Variants in OSBPL3 observed in about 807,000 individuals in gnomAD.
The protein encoded by OSBPL3 is oxysterol binding protein like 3, also known as oxysterol-binding protein-related protein 3.
Under a neutral mutation model 120.1 loss-of-function variants are expected in OSBPL3, and 65 were observed. The ratio of observed to expected loss-of-function variants is 0.54; its 90% CI spans 0.44 to 0.67. OSBPL3 has a LOEUF of 0.67. Ranked by LOEUF, OSBPL3 falls within the 30% of genes least tolerant of loss-of-function variation. The pLI is 0.00. For missense variants in OSBPL3, 1,004 were observed against 1,082.1 expected, an observed-to-expected ratio of 0.93 and a Z score of 1.01; for synonymous variants, 416 against 402.6, an observed-to-expected ratio of 1.03 and a Z score of -0.40.
intron 2 of OSBPL3, among the ~76,000 whole-genome samples, chr7:24,885,272 C>A (rs917190692): frequency 5.9e-4 from 89 of 151,562 alleles, no homozygotes; most frequent in African/African-American, 2.1e-3. Context: ...ATTTTCAATA[C>A]CCAGACAGCT....
chr7:24,878,378 C>T (rs1445366613), intron 2 of OSBPL3, among the ~76,000 whole-genome samples: 2 of 152,154 alleles, frequency 1.3e-5, no homozygotes, highest in Non-Finnish European at 2.9e-5. Flanking sequence ...TCACTTAATC[C>T]GTTTATCAGT....
Position 24,854,450 on chromosome 7 carries a change from G to A in OSBPL3, c.1028-1816C>T, listed in dbSNP as rs1273898457. Among the ~76,000 whole-genome samples, 1 of 151,552 alleles carries A rather than the reference G, an allele frequency of 6.6e-6. No homozygotes were observed. The highest frequency in any genetic ancestry group is 1.9e-4 in the East Asian group (1 of 5,136). On this transcript the variant is annotated intron_variant, in intron 10 of 22. Transcript: ENST00000313367. The surrounding 1 kb of genome is among the most constrained non-coding windows in gnomAD (Gnocchi z 4.1). The stretch of plus-strand genomic sequence containing the variant: ...CTTGTCTGAGGTTGTGGCATTTAGT[G>A]ATGGACCTGAAACATCTTAACAAAG...
At chr7:24,976,929 C>A (rs1400269386) in intron 1 of OSBPL3, among the ~76,000 whole-genome samples, 3 of 152,184 alleles carry the variant, frequency 2.0e-5, no homozygotes. Context: ...TTGCCATGAG[C>A]CCCTTAGGTG....
At chr7:24,904,158 C>T (rs1807498223) in intron 1 of OSBPL3, among the ~76,000 whole-genome samples, 1 of 152,176 alleles carries the variant, frequency 6.6e-6, no homozygotes, top group Non-Finnish European at 1.5e-5. Flanking sequence ...GCTGGGATTA[C>T]AGGTGTGAGT....
rs1794190720 is a variant in OSBPL3 at position 24,814,242 on chromosome 7, AG to A, written c.2172+816del. Among the ~76,000 whole-genome samples the A allele has an allele frequency of 3.3e-5, 5 of 152,106 alleles. No individual in the cohort carries two copies. The South Asian group carries it at 1.0e-3, about 32-fold the overall frequency. ...TGGCCAGAGGACAGTGGGGAAAAAG[AG>A]GGAGGAAAAAGAGAAGTTCAGGTTG... is the stretch of plus-strand genomic sequence containing the variant. On this transcript the variant is annotated intron_variant, in intron 19 of 22. Coordinates refer to ENST00000313367, the MANE Select transcript of OSBPL3 (RefSeq NM_015550.4).
intron 1 of OSBPL3, among the ~76,000 whole-genome samples, chr7:24,948,989 A>G (rs1814065902): frequency 6.6e-6 from 1 of 152,344 alleles, no homozygotes. Context: ...GAGTCTGCAT[A>G]TCATGATGTC....
Position 24,898,234 on chromosome 7 carries a change from T to C in OSBPL3, c.-149-5613A>G, listed in dbSNP as rs1192762134. On this transcript the variant is annotated intron_variant, in intron 1 of 22. Coordinates refer to ENST00000313367, the MANE Select transcript of OSBPL3 (RefSeq NM_015550.4). The surrounding 1 kb of genome is among the most constrained non-coding windows in gnomAD (Gnocchi z 4.3). ...ATCAGAAGTTTCTGGAAGCAGGTTC[T>C]AATCACAACTTCAGATACCGATCGG... Among the ~76,000 whole-genome samples, 1 of 152,206 alleles carries C rather than the reference T, an allele frequency of 6.6e-6. No homozygotes were observed. The highest frequency in any genetic ancestry group is 1.5e-5 in the Non-Finnish European group (1 of 68,038).
rs1024025232 is a variant in OSBPL3 at position 24,930,456 on chromosome 7, A to G, written c.-149-37835T>C. ...TCTCAAAATATGCCAAGAAAAAAAA[A>G]GTAAACTTTTTATTGCTGACAGCAA... is the stretch of plus-strand genomic sequence containing the variant. On this transcript the variant is annotated intron_variant, in intron 1 of 22. Coordinates refer to ENST00000313367, the MANE Select transcript of OSBPL3 (RefSeq NM_015550.4). The surrounding 1 kb of genome is among the most constrained non-coding windows in gnomAD (Gnocchi z 4.4). 2.6e-5 allele frequency among the ~76,000 whole-genome samples: 4 copies of G among 152,126 alleles called. No individual in the cohort carries two copies. The highest frequency in any genetic ancestry group is 9.7e-5 in the African/African-American group (4 of 41,398).
intron 1 of OSBPL3, among the ~76,000 whole-genome samples, chr7:24,928,237 G>A (rs1183440244): frequency 6.7e-6 from 1 of 148,514 alleles, no homozygotes; most frequent in East Asian, 2.0e-4. Flanking sequence ...TGTCACCCAG[G>A]CTGGAGTGCA....
chr7:24,840,873 T>C (rs757935447), intron 13 of OSBPL3, 90 bp from the exon 14 acceptor site: 33 of 645,460 alleles, frequency 5.1e-5, no homozygotes, highest in Non-Finnish European at 8.0e-5. Flanking sequence ...ATCAAACATG[T>C]TGAGTCTCAC....
chr7:24,915,244 G>T (rs1809378309), intron 1 of OSBPL3, among the ~76,000 whole-genome samples: 2 of 152,254 alleles, frequency 1.3e-5, no homozygotes, highest in Admixed American at 1.3e-4. Flanking sequence ...GAAAATAGCT[G>T]ATTCTCCAAC....
chr7:24,801,497 C>A (rs1390295611), intron 22 of OSBPL3, among the ~76,000 whole-genome samples: 1 of 152,132 alleles, frequency 6.6e-6, no homozygotes, highest in African/African-American at 2.4e-5. Context: ...ACACTCTATT[C>A]CCTCTCATTC....
In OSBPL3 at chr7:24,900,410, C is replaced by T. The variant is rs752402601; in HGVS notation, c.-149-7789G>A. Among the ~76,000 whole-genome samples the T allele has an allele frequency of 2.6e-5, 4 of 152,172 alleles. No individual in the cohort carries two copies. Among genetic ancestry groups the T allele is most frequent in the East Asian group, 1.9e-4 (1 of 5,202 alleles). On this transcript the variant is annotated intron_variant, in intron 1 of 22. Transcript: ENST00000313367. This position sits in a 1 kb window ranked among gnomAD's most constrained non-coding sequence, Gnocchi z 4.5. ...GCCATTGTTTTTATCAATTAGCCTA[C>T]GGTAAAATTAGCTTCGTATATATCG...
chr7:24,851,097 G>A lies in OSBPL3; in HGVS notation c.1158+1407C>T, dbSNP rs1799095986. On this transcript the variant is annotated intron_variant, in intron 11 of 22. Coordinates refer to ENST00000313367, the MANE Select transcript of OSBPL3 (RefSeq NM_015550.4). This position sits in a 1 kb window ranked among gnomAD's most constrained non-coding sequence, Gnocchi z 4.1. ...CTGTGGGAGGAGGCAGGGAGAGGAAGATCATGGGGAGAGGGACCTTGGAAG... is the reference window on the plus strand; with the variant it reads ...CTGTGGGAGGAGGCAGGGAGAGGAAAATCATGGGGAGAGGGACCTTGGAAG... Among the ~76,000 whole-genome samples the A allele has an allele frequency of 6.6e-6, 1 of 152,172 alleles. No homozygotes were observed. Among genetic ancestry groups the A allele is most frequent in the African/African-American group, 2.4e-5 (1 of 41,436 alleles).
Position 24,829,780 on chromosome 7 carries a change from T to A in OSBPL3, c.1884+988A>T, listed in dbSNP as rs888095412. Among the ~76,000 whole-genome samples, 12 of 152,322 alleles carry A rather than the reference T, an allele frequency of 7.9e-5. No individual in the cohort carries two copies. In the East Asian group the frequency reaches 9.6e-4, roughly 12 times the overall value. ...TTCTGCATATCTTAGAGGTTTTTTT[T>A]AAAATTTCAATATGTATACACTCTA... is the stretch of plus-strand genomic sequence containing the variant. On this transcript the variant is annotated intron_variant, in intron 16 of 22. Coordinates refer to ENST00000313367, the MANE Select transcript of OSBPL3 (RefSeq NM_015550.4).
rs571132676 is a variant in OSBPL3, at chr7:24,855,528, G to A, written c.1028-2894C>T. On this transcript the variant is annotated intron_variant, in intron 10 of 22. Transcript: ENST00000313367. This position sits in a 1 kb window ranked among gnomAD's most constrained non-coding sequence, Gnocchi z 4.3. The stretch of plus-strand genomic sequence containing the variant: ...GAATAAAACGCTTCCTAAATCATCT[G>A]AAAAAAGGGTTTGGAAGACTAGATC... 6.6e-6 allele frequency among the ~76,000 whole-genome samples: 1 copy of A among 152,102 alleles called. No homozygotes were observed. The highest frequency in any genetic ancestry group is 2.1e-4 in the South Asian group (1 of 4,810).
At chr7:24,886,767 C>T (rs1178102447) in intron 2 of OSBPL3, among the ~76,000 whole-genome samples, 2 of 152,170 alleles carry the variant, frequency 1.3e-5, no homozygotes, top group Non-Finnish European at 2.9e-5. Flanking sequence ...GCTCAAGGTT[C>T]CAAACCAGAA....
intron 19 of OSBPL3, 126 bp from the exon 20 acceptor site, chr7:24,810,077 T>C (rs1793585113): frequency 1.0e-6 from 1 of 980,030 alleles, no homozygotes; most frequent in African/African-American, 1.6e-5. Context: ...ATTAGTTTGC[T>C]AGTTCTGGGT....
At position 24,854,502 on chromosome 7, in the gene OSBPL3, G is replaced by GCGCACACACA. The variant is rs1554367185; in HGVS notation, c.1028-1869_1028-1868insTGTGTGTGCG. Among the ~76,000 whole-genome samples, 2 of 131,588 alleles carry GCGCACACACA rather than the reference G, an allele frequency of 1.5e-5. No individual in the cohort carries two copies. The highest frequency in any genetic ancestry group is 5.6e-5 in the African/African-American group (2 of 35,936). The allele number at this position is 131,588 out of a possible 152,430, so 86.3% of individuals were successfully genotyped here. A position where few individuals can be genotyped will look rare whatever the true frequency, so the allele number is the denominator to read the frequency against. ...CACAACAATTTGTACACACACACACGCACACACACACACACACACACACAC... is the reference window on the plus strand; with the variant it reads ...CACAACAATTTGTACACACACACACGCGCACACACACACACACACACACACACACACACAC... On this transcript the variant is annotated intron_variant, in intron 10 of 22. Transcript: ENST00000313367. The surrounding 1 kb of genome is among the most constrained non-coding windows in gnomAD (Gnocchi z 4.1).
Sources: gnomAD v4.1 joint callset for allele counts (sites outside exome capture counted in the v4.1 genomes callset) on GRCh38, gnomAD v4.1.1 for gene constraint, Gnocchi (gnomAD v3.1) non-coding constraint, MANE v1.5 for transcripts, NCBI Gene and HGNC (gene_info 2026-07-23, HGNC 2026-07-21) for gene names.